Variants in MEAK7 observed in about 807,000 individuals in gnomAD.
MEAK7 encodes MTOR associated protein MEAK7, also known as MTOR-associated protein MEAK7.
A neutral mutation model predicts 40.5 loss-of-function variants in MEAK7; 68 were observed. The observed-to-expected ratio is 1.68, with a 90% CI of 1.38 to 2.06. The LOEUF (loss-of-function observed/expected upper bound fraction) is 2.06. Among genes scored for constraint, MEAK7 ranks in the 30% most tolerant of loss-of-function variants. The pLI is 0.00. For missense variants in MEAK7, 918 were observed against 580.5 expected (o/e 1.58, Z -5.98); for synonymous variants, 338 against 231.9 (o/e 1.46, Z -4.16).
rs1313661132 is a variant in MEAK7, at chr16:84,479,649, GAC to G, written c.*262_*263del. On this transcript the variant is annotated 3_prime_UTR_variant, in exon 8 of 8. Coordinates refer to ENST00000343629, the MANE Select transcript of MEAK7 (RefSeq NM_020947.4). The stretch of plus-strand genomic sequence containing the variant: ...AAGTATAAGACTGAGTTACTAATTT[GAC>G]ACAAGATTTCTTGGAGAGATCCTGA... 2.9e-6 allele frequency: 1 copy of G among 346,912 alleles called. No individual in the cohort carries two copies. Among genetic ancestry groups the G allele is most frequent in the Non-Finnish European group, 5.2e-6 (1 of 193,606 alleles). 21.5% of individuals were successfully genotyped at this position (346,912 alleles called of 1,614,324 possible).
At chr16:84,484,333 C>T (rs983395588) in intron 5 of MEAK7, among the ~76,000 whole-genome samples, 3 of 152,192 alleles carry the variant, frequency 2.0e-5, no homozygotes, top group African/African-American at 7.2e-5. Flanking sequence ...AATACCCAAG[C>T]GTGCGGCCAC....
chr16:84,500,382 C>T (rs1159060869), intron 1 of MEAK7, among the ~76,000 whole-genome samples: 2 of 152,180 alleles, frequency 1.3e-5, no homozygotes, highest in Non-Finnish European at 2.9e-5. Context: ...CCGCCAAGTG[C>T]TCTCCACTCT....
At position 84,486,851 on chromosome 16, in the gene MEAK7, C is replaced by A; in HGVS notation, c.738G>T (p.Leu246=). 6.2e-7 allele frequency: 1 copy of A among 1,614,156 alleles called. No individual in the cohort carries two copies. The highest frequency in any genetic ancestry group is 8.5e-7 in the Non-Finnish European group (1 of 1,180,026). Residue 246 remains leucine, a synonymous_variant, in exon 5 of 8, where the codon CTG becomes CTT. Transcript: ENST00000343629. ...VDQGRGFESI[L]DVLSVMYINA... Reference sequence around the variant, plus strand: ...TGATGTACATGACAGAGAGGACATCCAGGATGCTCTCAAAACCCCTGCCCT... The same window carrying A: ...TGATGTACATGACAGAGAGGACATCAAGGATGCTCTCAAAACCCCTGCCCT...
At chr16:84,483,610 T>C (rs1453323560) in intron 5 of MEAK7, among the ~76,000 whole-genome samples, 1 of 152,172 alleles carries the variant, frequency 6.6e-6, no homozygotes, top group Non-Finnish European at 1.5e-5. Flanking sequence ...ACCAGGAGGC[T>C]GGAAGAGGAC....
intron 2 of MEAK7, chr16:84,497,448 C>G: frequency 7.8e-7 from 1 of 1,289,492 alleles, no homozygotes; most frequent in Non-Finnish European, 1.0e-6. Flanking sequence ...GCACCTGACA[C>G]GTCATGGTTC....
chr16:84,476,875 C>G lies in MEAK7; in HGVS notation c.*3038G>C, dbSNP rs1912134516. The stretch of plus-strand genomic sequence containing the variant: ...CTGACTTTAAGTTGTATCCTTTTAT[C>G]TTTTTTTTCTAAACCAGGTACACAA... On this transcript the variant is annotated 3_prime_UTR_variant, in exon 8 of 8. Coordinates refer to ENST00000343629, the MANE Select transcript of MEAK7 (RefSeq NM_020947.4). 1 of 151,996 alleles carries G rather than the reference C, an allele frequency of 6.6e-6. No individual in the cohort carries two copies. The highest frequency in any genetic ancestry group is 1.5e-5 in the Non-Finnish European group (1 of 67,988). The allele number at this position is 151,996 out of a possible 1,614,324, so 9.4% of individuals were successfully genotyped here.
intron 1 of MEAK7, among the ~76,000 whole-genome samples, chr16:84,498,511 G>A (rs1914245290): frequency 6.6e-6 from 1 of 151,874 alleles, no homozygotes; most frequent in African/African-American, 2.4e-5. Flanking sequence ...CTGGCCTTAA[G>A]TGATTCTCCT....
At position 84,483,970 on chromosome 16, in the gene MEAK7, C is replaced by T. The variant is rs533809587; in HGVS notation, c.959-1260G>A. Among the ~76,000 whole-genome samples the T allele has an allele frequency of 1.8e-4, 27 of 152,342 alleles. No homozygotes were observed. In the South Asian group the frequency reaches 5.6e-3, roughly 32 times the overall value. The stretch of plus-strand genomic sequence containing the variant: ...GACTCAGGCTTGCTTCACTGGGTTT[C>T]AGCAGCCCCAGAGGCTTGAGGGCAG... On this transcript the variant is annotated intron_variant, in intron 5 of 7. Coordinates refer to ENST00000343629, the MANE Select transcript of MEAK7 (RefSeq NM_020947.4).
At chr16:84,490,769 T>C (rs1218990697) in intron 3 of MEAK7, among the ~76,000 whole-genome samples, 1 of 151,562 alleles carries the variant, frequency 6.6e-6, no homozygotes, top group East Asian at 1.9e-4. Flanking sequence ...TATTTCCTTC[T>C]CAATCAACTG....
Position 84,498,190 on chromosome 16 carries a change from C to A in MEAK7, c.-25-79G>T. 2.0e-6 allele frequency: 3 copies of A among 1,477,278 alleles called. No homozygotes were observed. In the South Asian group the frequency reaches 4.1e-5, roughly 20 times the overall value. The allele number at this position is 1,477,278 out of a possible 1,614,324, so 91.5% of individuals were successfully genotyped here. A position where few individuals can be genotyped will look rare whatever the true frequency, so the allele number is the denominator to read the frequency against. On this transcript the variant is annotated intron_variant, in intron 1 of 7. Coordinates refer to ENST00000343629, the MANE Select transcript of MEAK7 (RefSeq NM_020947.4). ...AAATAAATGTTGAGAATTATATGGTCAAGTTAATATATACTGATATAGCCA... is the reference window on the plus strand; with the variant it reads ...AAATAAATGTTGAGAATTATATGGTAAAGTTAATATATACTGATATAGCCA...
chr16:84,482,106 G>C (rs516963), intron 6 of MEAK7, among the ~76,000 whole-genome samples: 69,954 of 151,800 alleles, frequency 0.46, 17,701 homozygotes, highest in East Asian at 0.89. Flanking sequence ...GGCCTCCCCC[G>C]CTTCCCCCTG....
chr16:84,501,669 T>G (rs1182198353), intron 1 of MEAK7, among the ~76,000 whole-genome samples: 1 of 151,932 alleles, frequency 6.6e-6, no homozygotes. Flanking sequence ...GGAGGTTGCA[T>G]GGGAGGCCCC....
At chr16:84,500,480 T>C (rs7202672) in intron 1 of MEAK7, among the ~76,000 whole-genome samples, 65,691 of 151,574 alleles carry the variant, frequency 0.43, 14,963 homozygotes, top group East Asian at 0.62. Context: ...GACACCCATC[T>C]TCGCAGCGGA....
At position 84,504,224 on chromosome 16, in the gene MEAK7, G is replaced by A. The variant is rs1914713859; in HGVS notation, c.-26+377C>T. ...CACACACACTTCAGTGTCTACCCCA[G>A]ACTCGCCTCCTCCGTGGAGGCACCC... On this transcript the variant is annotated intron_variant, in intron 1 of 7. Transcript: ENST00000343629. 7.6e-6 allele frequency: 7 copies of A among 919,412 alleles called. No homozygotes were observed. In the South Asian group the frequency reaches 3.5e-4, roughly 46 times the overall value. The allele number at this position is 919,412 out of a possible 1,614,324, so 57.0% of individuals were successfully genotyped here.
At chr16:84,480,253 T>A (rs1227626830) in intron 7 of MEAK7, among the ~76,000 whole-genome samples, 1 of 151,928 alleles carries the variant, frequency 6.6e-6, no homozygotes, top group Admixed American at 6.6e-5. Context: ...CCCTAGACAT[T>A]CCTCCTCTTG....
In MEAK7 at chr16:84,477,333, A is replaced by T. The variant is rs1193677525; in HGVS notation, c.*2580T>A. The T allele has an allele frequency of 6.6e-6, 1 of 152,232 alleles. No homozygotes were observed. The highest frequency in any genetic ancestry group is 2.4e-5 in the African/African-American group (1 of 41,408). 9.4% of individuals were successfully genotyped at this position (152,232 alleles called of 1,614,324 possible). On this transcript the variant is annotated 3_prime_UTR_variant, in exon 8 of 8. Transcript: ENST00000343629. The stretch of plus-strand genomic sequence containing the variant: ...CAGCCTCCTGAGTAGCTGAGATTAC[A>T]GGCATGTGCCACCATGCCCAGCTAA...
intron 1 of MEAK7, among the ~76,000 whole-genome samples, chr16:84,504,382 C>G (rs536628880): frequency 3.9e-5 from 6 of 152,162 alleles, no homozygotes; most frequent in Non-Finnish European, 7.4e-5. Flanking sequence ...TCTGATCCCC[C>G]CCAGGAGACC....
At chr16:84,493,914 C>G (rs1335556848) in intron 3 of MEAK7, among the ~76,000 whole-genome samples, 1 of 152,178 alleles carries the variant, frequency 6.6e-6, no homozygotes, top group Non-Finnish European at 1.5e-5. Context: ...CACTTTCTGA[C>G]AGGCCCAAAT....
intron 3 of MEAK7, among the ~76,000 whole-genome samples, chr16:84,493,673 T>C (rs1379619884): frequency 6.6e-6 from 1 of 152,256 alleles, no homozygotes; most frequent in Non-Finnish European, 1.5e-5. Flanking sequence ...TATTTGTGAG[T>C]ATTCTTAATT....
Sources: gnomAD v4.1 joint callset for allele counts (sites outside exome capture counted in the v4.1 genomes callset) on GRCh38, gnomAD v4.1.1 for gene constraint, MANE v1.5 for transcripts, NCBI Gene and HGNC (gene_info 2026-07-23, HGNC 2026-07-21) for gene names.